The following OCA2 variants were observed in gnomAD, a reference collection of about 807,000 sequenced individuals.
The protein encoded by OCA2 is P protein.
In OCA2, 77 loss-of-function variants were observed where a neutral mutation model predicts 100.2. The ratio of observed to expected loss-of-function variants is 0.77; its 90% CI spans 0.64 to 0.93. The LOEUF is 0.93. OCA2 is among the 40% of genes least tolerant of loss of function. The pLI is 0.00. For synonymous variants in OCA2, 432 were observed against 439.2 expected, an observed-to-expected ratio of 0.98 and a Z score of 0.21; for missense variants, 1,062 against 1,089.1, an observed-to-expected ratio of 0.98 and a Z score of 0.35.
At chr15:27,744,038 A>G in the OCA2 span, among the ~76,000 whole-genome samples, 1 of 152,196 alleles carries the variant, frequency 6.6e-6, no homozygotes, top group Non-Finnish European at 1.5e-5. Flanking sequence ...ATTGTGAGAA[A>G]GACTGAAGGT....
At chr15:28,003,495 G>A (rs934405217) in intron 9 of OCA2, among the ~76,000 whole-genome samples, 1 of 151,954 alleles carries the variant, frequency 6.6e-6, no homozygotes. Context: ...GAAGCCAGGA[G>A]ATGTTACTCT....
chr15:27,922,895 G>T (rs931378985), intron 19 of OCA2, among the ~76,000 whole-genome samples: 1 of 152,038 alleles, frequency 6.6e-6, no homozygotes, highest in Non-Finnish European at 1.5e-5. Flanking sequence ...TTGTTGTACA[G>T]ATTATTTTGT....
chr15:28,074,009 C>G (rs892523566), intron 2 of OCA2, among the ~76,000 whole-genome samples: 9 of 151,426 alleles, frequency 5.9e-5, no homozygotes, highest in Middle Eastern at 3.4e-3. Context: ...GACAGACACA[C>G]ACACACACAC....
chr15:27,932,825 A>C (rs2039303193), intron 18 of OCA2, among the ~76,000 whole-genome samples: 1 of 152,208 alleles, frequency 6.6e-6, no homozygotes, highest in South Asian at 2.1e-4. Flanking sequence ...AATAGTTTGG[A>C]AATGTCACAA....
intron 23 of OCA2, among the ~76,000 whole-genome samples, chr15:27,809,199 C>T (rs1156450740): frequency 6.6e-6 from 1 of 152,202 alleles, no homozygotes; most frequent in Non-Finnish European, 1.5e-5. Context: ...TGAAGCTTAC[C>T]GTTTGGGGAT....
intron 21 of OCA2, among the ~76,000 whole-genome samples, chr15:27,854,234 C>T (rs2035869123): frequency 6.6e-6 from 1 of 152,218 alleles, no homozygotes. Flanking sequence ...AGCCTGGGCA[C>T]TGCTGCTGCC....
At chr15:28,065,529 A>G (rs1457029421) in intron 2 of OCA2, among the ~76,000 whole-genome samples, 1 of 152,144 alleles carries the variant, frequency 6.6e-6, no homozygotes, top group East Asian at 1.9e-4. Context: ...GACAAATCAG[A>G]GCAAACGCAA....
chr15:28,022,319 T>C (rs1352726445), intron 6 of OCA2, among the ~76,000 whole-genome samples, 182 bp downstream of exon 6: 3 of 152,198 alleles, frequency 2.0e-5, no homozygotes, highest in Non-Finnish European at 4.4e-5. Context: ...ACTGTCTCCC[T>C]GGAGCTCCCC....
At chr15:27,867,740 A>G (rs2036380957) in intron 21 of OCA2, among the ~76,000 whole-genome samples, 1 of 152,268 alleles carries the variant, frequency 6.6e-6, no homozygotes, top group Non-Finnish European at 1.5e-5. Flanking sequence ...CTAGAGGATA[A>G]CAACACAACG....
chr15:27,854,285 G>A lies in OCA2; in HGVS notation c.2245-2810C>T, dbSNP rs576934523. 4.6e-5 allele frequency among the ~76,000 whole-genome samples: 7 copies of A among 152,288 alleles called. No individual in the cohort carries two copies. In the South Asian group the frequency reaches 1.0e-3, roughly 23 times the overall value. ...GGGGAGGACATGTGGAGCAGGGTCC[G>A]CCCAGCCCCAGCGGAGTCCAGACCA... On this transcript the variant is annotated intron_variant, in intron 21 of 23. Coordinates refer to ENST00000354638, the MANE Select transcript of OCA2 (RefSeq NM_000275.3).
intron 22 of OCA2, among the ~76,000 whole-genome samples, chr15:27,850,113 C>T (rs75845930): frequency 1.4e-3 from 209 of 152,302 alleles, no homozygotes; most frequent in African/African-American, 4.9e-3. Context: ...GAAATCTCCT[C>T]CACATTGATC....
intron 21 of OCA2, among the ~76,000 whole-genome samples, chr15:27,869,220 C>T (rs1404971470): frequency 6.6e-6 from 1 of 152,220 alleles, no homozygotes; most frequent in Non-Finnish European, 1.5e-5. Context: ...CTGTATGTGG[C>T]TTCTGCCCCT....
At chr15:27,966,914 G>C in intron 14 of OCA2, 92 bp from the exon 15 acceptor site, 1 of 1,402,120 alleles carries the variant, frequency 7.1e-7, no homozygotes, top group Non-Finnish European at 9.9e-7. Flanking sequence ...TGGATCACGA[G>C]GTCCGGAGAT....
At chr15:27,744,157 C>G in the OCA2 span, among the ~76,000 whole-genome samples, 43 of 152,290 alleles carry the variant, frequency 2.8e-4, no homozygotes, top group Non-Finnish European at 5.0e-4. Context: ...GCAAAGACAG[C>G]CAACAACAAT....
chr15:27,827,409 G>C (rs918991726), intron 23 of OCA2, among the ~76,000 whole-genome samples: 2 of 152,166 alleles, frequency 1.3e-5, no homozygotes, highest in Non-Finnish European at 2.9e-5. Context: ...GTTTAATATA[G>C]GAAAAGCAAA....
the OCA2 span, among the ~76,000 whole-genome samples, chr15:27,723,791 C>T: frequency 6.6e-6 from 1 of 152,202 alleles, no homozygotes; most frequent in African/African-American, 2.4e-5. Context: ...TCTTGAGGTG[C>T]TTGTTCACAG....
intron 2 of OCA2, among the ~76,000 whole-genome samples, chr15:28,060,303 G>C (rs1041715351): frequency 1.3e-5 from 2 of 152,212 alleles, no homozygotes; most frequent in African/African-American, 2.4e-5. Context: ...GGGATGTGCT[G>C]ACCAGACCAG....
intron 23 of OCA2, among the ~76,000 whole-genome samples, chr15:27,815,082 G>C (rs1439194710): frequency 1.3e-5 from 2 of 152,130 alleles, no homozygotes; most frequent in African/African-American, 4.8e-5. Flanking sequence ...TGTGGGAAGG[G>C]CAGGGAAAAC....
intron 23 of OCA2, among the ~76,000 whole-genome samples, chr15:27,788,288 T>C (rs1257796465): frequency 6.6e-6 from 1 of 152,114 alleles, no homozygotes; most frequent in African/African-American, 2.4e-5. Context: ...AATTTTTCTG[T>C]CTAGTTGCTA....
Sources: gnomAD v4.1 joint callset for allele counts (sites outside exome capture counted in the v4.1 genomes callset) on GRCh38, gnomAD v4.1.1 for gene constraint, MANE v1.5 for transcripts, NCBI Gene and HGNC (gene_info 2026-07-23, HGNC 2026-07-21) for gene names.